PAK5: variants seen among roughly 807,000 people sequenced by gnomAD.
PAK5 encodes p21 (RAC1) activated kinase 5.
Under a neutral mutation model 65.9 loss-of-function variants are expected in PAK5, and 16 were observed. The observed-to-expected ratio is 0.24, with a 90% CI of 0.16 to 0.37. The LOEUF (loss-of-function observed/expected upper bound fraction) is 0.37, where lower values mean the gene tolerates loss of function less well. PAK5 is among the 10% of genes least tolerant of loss of function. The pLI is 1.00. For synonymous variants in PAK5, 371 were observed against 354.9 expected (o/e 1.05, Z -0.51); for missense variants, 785 against 903.9 (o/e 0.87, Z 1.69).
intron 1 of PAK5, among the ~76,000 whole-genome samples, chr20:9,808,092 A>T (rs1412573983): frequency 6.6e-6 from 1 of 152,196 alleles, no homozygotes; most frequent in Non-Finnish European, 1.5e-5. Context: ...CAGACAACTG[A>T]ATATTGTACC....
At chr20:9,631,373 GGGA>G (rs913360228) in intron 3 of PAK5, among the ~76,000 whole-genome samples, 26 of 152,258 alleles carry the variant, frequency 1.7e-4, no homozygotes, top group Middle Eastern at 3.4e-3. Context: ...CAACACTGAT[GGGA>G]TATCACTTCT....
Position 9,568,892 on chromosome 20 carries a change from G to T in PAK5, c.991-2508C>A, listed in dbSNP as rs181781440. 1.6e-3 allele frequency among the ~76,000 whole-genome samples: 249 copies of T among 152,250 alleles called. 1 individual carries two copies. Among genetic ancestry groups the T allele is most frequent in the Admixed American group, 3.6e-3 (55 of 15,302 alleles). On this transcript the variant is annotated intron_variant, in intron 4 of 9. Coordinates refer to ENST00000353224, the MANE Select transcript of PAK5 (RefSeq NM_177990.4). The stretch of plus-strand genomic sequence containing the variant: ...GAGGTCCATGCAGCAAGAAACTGAG[G>T]ACTCCTGCTAAGAGCTAGCTAGAAA...
rs1313531630 is a variant in PAK5 at position 9,542,664 on chromosome 20, G to C, written c.1926C>G (p.Pro642=). The C allele has an allele frequency of 6.8e-6, 11 of 1,613,838 alleles. No homozygotes were observed. The highest frequency in any genetic ancestry group is 9.3e-6 in the Non-Finnish European group (11 of 1,179,732). Residue 642 remains proline (P), a synonymous_variant, in exon 9 of 10, where the codon CCC becomes CCG. Coordinates refer to ENST00000353224, the MANE Select transcript of PAK5 (RefSeq NM_177990.4). ...CCTGGAGGGGAGGCTCATTGAAGTA[G>C]GGGGGCTCGCCATCAATCATTTCTA... is the stretch of plus-strand genomic sequence containing the variant. ...MVIEMIDGEP[P]YFNEPPLQAM... is the part of the protein sequence containing the mutation.
At chr20:9,733,147 A>G (rs1317897139) in intron 1 of PAK5, among the ~76,000 whole-genome samples, 2 of 152,198 alleles carry the variant, frequency 1.3e-5, no homozygotes, top group African/African-American at 4.8e-5. Context: ...TGGTCTTTTG[A>G]CCTCACAGAA....
intron 3 of PAK5, among the ~76,000 whole-genome samples, chr20:9,613,956 C>T (rs2046610299): frequency 6.6e-6 from 1 of 152,058 alleles, no homozygotes; most frequent in African/African-American, 2.4e-5. Flanking sequence ...CAAACAATCA[C>T]AAGGCATAAA....
At chr20:9,822,032 T>C (rs1255616005) in intron 1 of PAK5, among the ~76,000 whole-genome samples, 1 of 152,164 alleles carries the variant, frequency 6.6e-6, no homozygotes, top group South Asian at 2.1e-4. Flanking sequence ...CTTACGCCTA[T>C]AATCCCAACA....
chr20:9,647,575 T>C (rs189162726), intron 2 of PAK5, among the ~76,000 whole-genome samples: 57 of 152,302 alleles, frequency 3.7e-4, no homozygotes, highest in African/African-American at 1.0e-3. Flanking sequence ...AATGAGAGCA[T>C]TGAAAAGAAG....
chr20:9,605,243 C>G (rs2046431776), intron 3 of PAK5, among the ~76,000 whole-genome samples: 1 of 152,168 alleles, frequency 6.6e-6, no homozygotes, highest in Admixed American at 6.5e-5. Flanking sequence ...CATTCATTGC[C>G]TGGCATTTCT....
intron 1 of PAK5, among the ~76,000 whole-genome samples, chr20:9,835,676 TG>T (rs1406766591): frequency 7.9e-5 from 12 of 151,964 alleles, no homozygotes; most frequent in Non-Finnish European, 2.9e-5. Context: ...GTGGTGGTGG[TG>T]GGGATAGAAA....
At chr20:9,545,101 C>T (rs2045324226) in intron 7 of PAK5, among the ~76,000 whole-genome samples, 1 of 152,136 alleles carries the variant, frequency 6.6e-6, no homozygotes, top group Non-Finnish European at 1.5e-5. Flanking sequence ...CCAACATGAA[C>T]ATCAATGCAA....
intron 1 of PAK5, among the ~76,000 whole-genome samples, chr20:9,820,296 A>G (rs2049404372): frequency 6.6e-6 from 1 of 152,200 alleles, no homozygotes; most frequent in South Asian, 2.1e-4. Flanking sequence ...TTTTCTTTAA[A>G]TGCATTTTAT....
intron 1 of PAK5, among the ~76,000 whole-genome samples, chr20:9,828,325 T>C (rs2123784573): frequency 6.6e-6 from 1 of 152,368 alleles, no homozygotes; most frequent in South Asian, 2.1e-4. Flanking sequence ...TATTTTTGTT[T>C]GTCTGTTTCT....
At chr20:9,556,843 C>T (rs1294575770) in intron 7 of PAK5, among the ~76,000 whole-genome samples, 2 of 152,122 alleles carry the variant, frequency 1.3e-5, no homozygotes, top group Non-Finnish European at 2.9e-5. Flanking sequence ...AGGAAACCAA[C>T]CTATATTGAC....
intron 2 of PAK5, among the ~76,000 whole-genome samples, chr20:9,702,668 C>T (rs2047954932): frequency 6.6e-6 from 1 of 152,118 alleles, no homozygotes; most frequent in African/African-American, 2.4e-5. Context: ...CCCTGTTATC[C>T]AAACTGCAGA....
chr20:9,598,187 C>A (rs541418694), intron 3 of PAK5, among the ~76,000 whole-genome samples: 1 of 152,274 alleles, frequency 6.6e-6, no homozygotes, highest in African/African-American at 2.4e-5. Flanking sequence ...TCAGCTCCCA[C>A]TTATGAGTGA....
At chr20:9,595,078 C>T in intron 3 of PAK5, among the ~76,000 whole-genome samples, 1 of 150,222 alleles carries the variant, frequency 6.7e-6, no homozygotes, top group East Asian at 2.0e-4. Flanking sequence ...CACACATATA[C>T]ATATATATAT....
chr20:9,605,824 G>A (rs1418137198), intron 3 of PAK5, among the ~76,000 whole-genome samples: 2 of 152,168 alleles, frequency 1.3e-5, no homozygotes, highest in African/African-American at 4.8e-5. Flanking sequence ...CAGCTACTGG[G>A]GAGGCTGAGG....
intron 2 of PAK5, among the ~76,000 whole-genome samples, chr20:9,654,907 C>G (rs1439184119): frequency 6.6e-6 from 1 of 152,186 alleles, no homozygotes; most frequent in Non-Finnish European, 1.5e-5. Context: ...AGGGAGGCCA[C>G]TTTAGACCCC....
At chr20:9,638,008 G>A (rs1277570992) in intron 3 of PAK5, among the ~76,000 whole-genome samples, 2 of 152,108 alleles carry the variant, frequency 1.3e-5, no homozygotes, top group East Asian at 3.9e-4. Context: ...TCCATCAGCA[G>A]CATCTGAGAG....
Sources: gnomAD v4.1 joint callset for allele counts (sites outside exome capture counted in the v4.1 genomes callset) on GRCh38, gnomAD v4.1.1 for gene constraint, MANE v1.5 for transcripts, NCBI Gene and HGNC (gene_info 2026-07-23, HGNC 2026-07-21) for gene names.